Variants in CSMD3 observed in about 807,000 individuals in gnomAD.
CSMD3 encodes the protein CUB and sushi domain-containing protein 3.
Under a neutral mutation model 435.2 loss-of-function variants are expected in CSMD3, and 177 were observed. That is an observed-to-expected ratio of 0.41 (90% CI 0.36 to 0.46). The LOEUF is 0.46. Ranked by LOEUF, CSMD3 falls within the 20% of genes least tolerant of loss-of-function variation. The pLI is 0.34. For missense variants in CSMD3, 4,265 were observed against 4,504.6 expected (o/e 0.95, Z 1.52); for synonymous variants, 1,656 against 1,520.5 (o/e 1.09, Z -2.07).
At chr8:113,069,302 C>T (rs980418679) in intron 5 of CSMD3, among the ~76,000 whole-genome samples, 25 of 152,038 alleles carry the variant, frequency 1.6e-4, no homozygotes, top group Non-Finnish European at 4.4e-5. Context: ...CAGAACATAG[C>T]AAATTTCTGG....
chr8:112,829,912 C>G (rs1263436300), intron 11 of CSMD3, 123 bp from the exon 12 acceptor site: 1 of 641,146 alleles, frequency 1.6e-6, no homozygotes, highest in South Asian at 1.8e-5. Context: ...CACACACACA[C>G]ACACACACAC....
intron 3 of CSMD3, among the ~76,000 whole-genome samples, chr8:113,277,452 C>A (rs2093580325): frequency 6.6e-6 from 1 of 151,762 alleles, no homozygotes; most frequent in Non-Finnish European, 1.5e-5. Flanking sequence ...AAATTATTAG[C>A]CAGAGGATTT....
chr8:113,399,106 T>TATATATACAC (rs773585004), intron 1 of CSMD3, among the ~76,000 whole-genome samples: 1,259 of 94,952 alleles, frequency 0.013, 26 homozygotes, highest in African/African-American at 0.026. Context: ...TATATATATA[T>TATATATACAC]ACACACACAC....
intron 3 of CSMD3, among the ~76,000 whole-genome samples, chr8:113,249,646 T>A (rs930618463): frequency 1.6e-4 from 25 of 152,184 alleles, no homozygotes; most frequent in African/African-American, 5.1e-4. Flanking sequence ...ATATAATATT[T>A]TTGTTGGACA....
chr8:112,551,970 C>A (rs1466053185), intron 26 of CSMD3, among the ~76,000 whole-genome samples: 2 of 152,014 alleles, frequency 1.3e-5, no homozygotes, highest in African/African-American at 4.8e-5. Flanking sequence ...GGAAGTCAGA[C>A]TGGTGTTGAT....
At chr8:113,062,724 G>A (rs2088670115) in intron 5 of CSMD3, among the ~76,000 whole-genome samples, 1 of 151,668 alleles carries the variant, frequency 6.6e-6, no homozygotes, top group South Asian at 2.1e-4. Flanking sequence ...AAATCTAGGT[G>A]TAACTGTTGA....
intron 22 of CSMD3, among the ~76,000 whole-genome samples, chr8:112,621,339 T>C (rs887748454): frequency 6.6e-6 from 1 of 152,158 alleles, no homozygotes; most frequent in African/African-American, 2.4e-5. Flanking sequence ...TCTGGCAATC[T>C]TGCTGCATAT....
At chr8:112,878,418 A>C (rs1640673504) in intron 10 of CSMD3, among the ~76,000 whole-genome samples, 1 of 152,182 alleles carries the variant, frequency 6.6e-6, no homozygotes, top group Admixed American at 6.5e-5. Flanking sequence ...AGGAAACAAC[A>C]GATGCTGGAG....
Position 112,237,202 on chromosome 8 carries a change from G to T in CSMD3, c.10615C>A (p.Leu3539Met), listed in dbSNP as rs145347948. 45 of 1,613,392 alleles carry T rather than the reference G, an allele frequency of 2.8e-5. No individual in the cohort carries two copies. The highest frequency in any genetic ancestry group is 3.7e-5 in the Non-Finnish European group (44 of 1,179,568). ...NATLSNSNME[L>M]LLSGVYKSQE... Reference sequence around the variant, plus strand: ...TTTATTGCGATACCTGAAAGTAGCAGCTCCATGTTGCTATTGCTCAGTGTT... The same window carrying T: ...TTTATTGCGATACCTGAAAGTAGCATCTCCATGTTGCTATTGCTCAGTGTT... Residue 3539 changes from leucine to methionine, a missense_variant, in exon 67 of 71, where the codon CTG becomes ATG. Leu to Met is a conservative substitution (Grantham distance 15). This residue lies in a region of CSMD3 where 3,255 missense variants were observed against 3,380.2 expected (regional missense o/e 0.96). Transcript: ENST00000297405.
Position 112,506,665 on chromosome 8 carries a change from G to A in CSMD3, c.4895+26C>T, listed in dbSNP as rs368056544. On this transcript the variant is annotated intron_variant, in intron 29 of 70. Coordinates refer to ENST00000297405, the MANE Select transcript of CSMD3 (RefSeq NM_198123.2). ...TGGCCTAACAATATATTTTTTTAAC[G>A]TGGAAATAAATATATAAGAACTCAC... The A allele has an allele frequency of 2.6e-5, 41 of 1,607,640 alleles. 1 individual carries two copies. The highest frequency in any genetic ancestry group is 3.3e-4 in the Middle Eastern group (2 of 6,066).
chr8:113,269,866 G>C (rs1347976841), intron 3 of CSMD3, among the ~76,000 whole-genome samples: 16 of 151,804 alleles, frequency 1.1e-4, no homozygotes, highest in African/African-American at 3.9e-4. Context: ...AACCCTAGAA[G>C]AAAACCTAGG....
chr8:113,435,332 A>G (rs113298088), intron 1 of CSMD3, among the ~76,000 whole-genome samples: 1,872 of 152,126 alleles, frequency 0.012, 27 homozygotes, highest in African/African-American at 0.042. Context: ...TTGGGATGTA[A>G]ATTAAAATTC....
At position 112,447,314 on chromosome 8, in the gene CSMD3, A is replaced by G. The variant is rs559374058; in HGVS notation, c.5395+25277T>C. ...TAAAGAACAGAATAAATAAAATGAA[A>G]CTCATGTAGCCATTACCCAGCTTCA... On this transcript the variant is annotated intron_variant, in intron 32 of 70. Coordinates refer to ENST00000297405, the MANE Select transcript of CSMD3 (RefSeq NM_198123.2). 5.3e-5 allele frequency among the ~76,000 whole-genome samples: 8 copies of G among 152,234 alleles called. No homozygotes were observed. In the South Asian group the frequency reaches 1.4e-3, roughly 28 times the overall value.
chr8:113,220,678 G>A (rs1392393145), intron 3 of CSMD3, among the ~76,000 whole-genome samples: 1 of 151,348 alleles, frequency 6.6e-6, no homozygotes, highest in Non-Finnish European at 1.5e-5. Context: ...ATTATCAGTG[G>A]ATTGGAAATC....
At chr8:112,803,434 C>G (rs1991136) in intron 12 of CSMD3, among the ~76,000 whole-genome samples, 125,964 of 152,182 alleles carry the variant, frequency 0.83, 52,362 homozygotes, top group East Asian at 0.91. Context: ...CCTGAGCCTA[C>G]TCAATGTTTT....
chr8:112,591,882 G>C (rs1040647383), intron 22 of CSMD3, among the ~76,000 whole-genome samples: 1 of 151,730 alleles, frequency 6.6e-6, no homozygotes, highest in African/African-American at 2.4e-5. Flanking sequence ...ATATAATTTA[G>C]ATTTCATTTC....
At chr8:112,497,505 C>G (rs961477931) in intron 30 of CSMD3, among the ~76,000 whole-genome samples, 5 of 145,234 alleles carry the variant, frequency 3.4e-5, no homozygotes, top group Admixed American at 1.4e-4. Context: ...ATATATATAC[C>G]TACTATGAAC....
intron 11 of CSMD3, among the ~76,000 whole-genome samples, chr8:112,838,612 C>T (rs962694278): frequency 2.6e-5 from 4 of 151,630 alleles, no homozygotes; most frequent in Admixed American, 1.3e-4. Context: ...AAGGCCCACA[C>T]AAAAATCTAT....
intron 11 of CSMD3, among the ~76,000 whole-genome samples, chr8:112,852,973 A>G (rs559459065): frequency 4.0e-4 from 61 of 152,202 alleles, no homozygotes; most frequent in African/African-American, 1.4e-3. Context: ...GATTATATTA[A>G]TAATACAAAT....
Sources: gnomAD v4.1 joint callset for allele counts (sites outside exome capture counted in the v4.1 genomes callset) on GRCh38, gnomAD v4.1.1 for gene constraint, gnomAD v4.1.1 regional missense constraint, MANE v1.5 for transcripts, NCBI Gene and HGNC (gene_info 2026-07-23, HGNC 2026-07-21) for gene names.